The following LRP5 variants were observed in gnomAD, a reference collection of about 807,000 sequenced individuals.
The protein encoded by LRP5 is low-density lipoprotein receptor-related protein 5.
Under a neutral mutation model 154.1 loss-of-function variants are expected in LRP5, and 62 were observed. The ratio of observed to expected loss-of-function variants is 0.40; its 90% CI spans 0.33 to 0.50. The LOEUF is 0.50. Among genes scored for constraint, LRP5 ranks in the 20% least tolerant of loss-of-function variants. The probability of loss-of-function intolerance (pLI) is 0.55; values close to 1 mark genes in which losing one functional copy is unlikely to be tolerated. For missense variants in LRP5, 1,915 were observed against 2,336.7 expected, an observed-to-expected ratio of 0.82 and a Z score of 3.72; for synonymous variants, 966 against 1,011.5, an observed-to-expected ratio of 0.96 and a Z score of 0.85.
At position 68,409,938 on chromosome 11, in the gene LRP5, G is replaced by A. The variant is rs1253513872; in HGVS notation, c.2116G>A (p.Gly706Arg). ...LKTISRAFMN[G>R]SSVEHVVEFG... Reference sequence around the variant, plus strand: ...GACCATCAGCCGCGCCTTCATGAACGGGAGCTCGGTGGAGCACGTGGTGGA... The same window carrying A: ...GACCATCAGCCGCGCCTTCATGAACAGGAGCTCGGTGGAGCACGTGGTGGA... Residue 706 changes from glycine to arginine, a missense_variant, in exon 10 of 23, where the codon GGG (glycine) becomes AGG (arginine). By Grantham distance (125) the Gly-to-Arg change is moderately radical. Transcript: ENST00000294304. 1.2e-6 allele frequency: 2 copies of A among 1,613,922 alleles called. No homozygotes were observed. The highest frequency in any genetic ancestry group is 2.2e-5 in the East Asian group (1 of 44,894).
rs1443446830 is a variant in LRP5 at position 68,386,149 on chromosome 11, G to A, written c.1016-167G>A. ...CCAGAGGTGTCATGAGGATGAACGA[G>A]TGACCATGTAGCATGGGCTGGGTGC... On this transcript the variant is annotated intron_variant, in intron 5 of 22. Transcript: ENST00000294304. This position sits in a 1 kb window ranked among gnomAD's most constrained non-coding sequence, Gnocchi z 7.9. 2.6e-5 allele frequency among the ~76,000 whole-genome samples: 4 copies of A among 152,218 alleles called. No individual in the cohort carries two copies. Among genetic ancestry groups the A allele is most frequent in the Non-Finnish European group, 2.9e-5 (2 of 68,026 alleles).
rs1269844831 is a variant in LRP5, at chr11:68,391,771, G to A, written c.1584+1719G>A. On this transcript the variant is annotated intron_variant, in intron 7 of 22. Transcript: ENST00000294304. ...TTGCCTTCACGCATCCCCGCTACCC[G>A]TGGGAGCAGGTCAGGGACTCGCGTG... Among the ~76,000 whole-genome samples the A allele has an allele frequency of 5.3e-5, 8 of 152,266 alleles. No individual in the cohort carries two copies. In the East Asian group the frequency reaches 5.8e-4, roughly 11 times the overall value.
intron 17 of LRP5, among the ~76,000 whole-genome samples, chr11:68,432,927 C>T (rs1444324839): frequency 6.6e-6 from 1 of 152,254 alleles, no homozygotes; most frequent in Non-Finnish European, 1.5e-5. Context: ...TAGGAAGTGG[C>T]CTCCACCCTC....
At chr11:68,376,795 C>A (rs1292472824) in intron 5 of LRP5, among the ~76,000 whole-genome samples, 4 of 152,204 alleles carry the variant, frequency 2.6e-5, no homozygotes, top group African/African-American at 9.7e-5. Flanking sequence ...AGGCCGCCTG[C>A]CTAAAGGGGG....
chr11:68,437,103 T>A, intron 19 of LRP5, 104 bp downstream of exon 19: 1 of 971,028 alleles, frequency 1.0e-6, no homozygotes, highest in African/African-American at 1.6e-5. Context: ...CTGGGGGCTG[T>A]GTGGGAGACT....
chr11:68,414,187 T>C (rs1182958436), intron 12 of LRP5, among the ~76,000 whole-genome samples, 175 bp downstream of exon 12: 1 of 152,166 alleles, frequency 6.6e-6, no homozygotes, highest in Non-Finnish European at 1.5e-5. Context: ...CCAGGCTGGA[T>C]GGACTTGTTG....
At chr11:68,363,127 G>A (rs1238500607) in intron 3 of LRP5, among the ~76,000 whole-genome samples, 3 of 152,182 alleles carry the variant, frequency 2.0e-5, no homozygotes, top group Non-Finnish European at 2.9e-5. Flanking sequence ...AAGAAGGAGC[G>A]AGTGCACATG....
At chr11:68,317,072 C>G (rs1426845883) in intron 1 of LRP5, among the ~76,000 whole-genome samples, 7 of 152,348 alleles carry the variant, frequency 4.6e-5, no homozygotes. Flanking sequence ...GCCAGGCCGC[C>G]CTGGAGGGCT....
chr11:68,370,642 G>T (rs777898886), intron 5 of LRP5, among the ~76,000 whole-genome samples: 2 of 152,236 alleles, frequency 1.3e-5, no homozygotes, highest in Admixed American at 6.5e-5. Context: ...AGACTCAGCC[G>T]TCAGGGGTCA....
intron 1 of LRP5, among the ~76,000 whole-genome samples, chr11:68,313,296 G>A (rs1327214521): frequency 2.6e-5 from 4 of 152,198 alleles, no homozygotes; most frequent in Admixed American, 1.3e-4. Context: ...GGCGCGGGGC[G>A]GCCTGGCCGG....
Position 68,439,871 on chromosome 11 carries a change from C to A in LRP5, c.4443C>A (p.Ala1481=), listed in dbSNP as rs1289377126. 1.3e-6 allele frequency: 2 copies of A among 1,598,740 alleles called. No homozygotes were observed. Among genetic ancestry groups the A allele is most frequent in the Non-Finnish European group, 8.5e-7 (1 of 1,175,014 alleles). The part of the protein sequence containing the change: ...PLYDRNHVTG[A]SSSSSSSTKA... ...ACGACCGGAACCACGTCACAGGGGCCTCGTCCAGCAGCTCGTCCAGCACGA... is the reference window on the plus strand; with the variant it reads ...ACGACCGGAACCACGTCACAGGGGCATCGTCCAGCAGCTCGTCCAGCACGA... Residue 1481 remains alanine, a synonymous_variant, in exon 21 of 23, where the codon GCC becomes GCA. Coordinates refer to ENST00000294304, the MANE Select transcript of LRP5 (RefSeq NM_002335.4).
intron 17 of LRP5, among the ~76,000 whole-genome samples, chr11:68,432,710 T>C (rs2098672620): frequency 6.6e-6 from 1 of 152,218 alleles, no homozygotes; most frequent in East Asian, 1.9e-4. Context: ...TGTGATTTTC[T>C]GCACAAAGTG....
the LRP5 span, among the ~76,000 whole-genome samples, chr11:68,298,890 C>T: frequency 6.6e-6 from 1 of 152,196 alleles, no homozygotes; most frequent in Admixed American, 6.5e-5. Flanking sequence ...GATGTCTACA[C>T]TAGGAACTCA....
chr11:68,356,967 G>A (rs940669545), intron 2 of LRP5, among the ~76,000 whole-genome samples: 6 of 146,348 alleles, frequency 4.1e-5, no homozygotes, highest in African/African-American at 7.7e-5. Flanking sequence ...ATGGAGTCTC[G>A]CTCTGTCGCC....
At chr11:68,298,931 C>T in the LRP5 span, among the ~76,000 whole-genome samples, 2 of 152,134 alleles carry the variant, frequency 1.3e-5, no homozygotes, top group African/African-American at 2.4e-5. Context: ...GCAGGAAGGG[C>T]GGGGTGAGAG....
intron 13 of LRP5, among the ~76,000 whole-genome samples, chr11:68,417,449 CT>C (rs1161126346): frequency 6.9e-3 from 285 of 41,534 alleles, no homozygotes; most frequent in African/African-American, 0.027. Context: ...AACAGATTGG[CT>C]TTTTTTTTTT....
At chr11:68,304,946 G>A in the LRP5 span, among the ~76,000 whole-genome samples, 218 of 152,280 alleles carry the variant, frequency 1.4e-3, no homozygotes, top group Non-Finnish European at 2.1e-3. Context: ...CAGATGAGAC[G>A]TTGGACTTGG....
At chr11:68,385,838 G>A (rs1165085424) in intron 5 of LRP5, among the ~76,000 whole-genome samples, 2 of 152,066 alleles carry the variant, frequency 1.3e-5, no homozygotes, top group South Asian at 2.1e-4. Flanking sequence ...ATGAAGTGGC[G>A]TCGAGCTGGG....
chr11:68,330,755 G>T (rs1280095790), intron 1 of LRP5, among the ~76,000 whole-genome samples: 1 of 152,256 alleles, frequency 6.6e-6, no homozygotes, highest in East Asian at 1.9e-4. Context: ...GCAGGAGCGC[G>T]ATTGGTGTGG....
Sources: gnomAD v4.1 joint callset for allele counts (sites outside exome capture counted in the v4.1 genomes callset) on GRCh38, gnomAD v4.1.1 for gene constraint, Gnocchi (gnomAD v3.1) non-coding constraint, MANE v1.5 for transcripts, NCBI Gene and HGNC (gene_info 2026-07-23, HGNC 2026-07-21) for gene names.